TENM2: variants seen among roughly 807,000 people sequenced by gnomAD.
The protein encoded by TENM2 is teneurin-2.
TENM2 carries 52 observed loss-of-function variants against 245.2 expected under a neutral mutation model. The observed-to-expected ratio is 0.21, with a 90% CI of 0.17 to 0.27. The LOEUF (loss-of-function observed/expected upper bound fraction) is 0.27. Among genes scored for constraint, TENM2 ranks in the 10% least tolerant of loss-of-function variants. The pLI, the probability that TENM2 is intolerant of heterozygous loss-of-function variation, is 1.00. For missense variants in TENM2, 3,046 were observed against 3,666.8 expected (o/e 0.83, Z 4.37); for synonymous variants, 1,363 against 1,438.9 (o/e 0.95, Z 1.19).
intron 2 of TENM2, among the ~76,000 whole-genome samples, chr5:167,440,889 T>C (rs952561387): frequency 2.7e-5 from 4 of 150,226 alleles, no homozygotes; most frequent in Non-Finnish European, 5.9e-5. Context: ...AGCGCAGCAC[T>C]GTTTGGTTGT....
At chr5:167,285,935 T>C (rs1401005419) in intron 1 of TENM2, among the ~76,000 whole-genome samples, 2 of 152,260 alleles carry the variant, frequency 1.3e-5, no homozygotes, top group Non-Finnish European at 2.9e-5. Flanking sequence ...TCTTGTTCCA[T>C]GTCCTTGGGA....
chr5:167,248,326 G>T, the TENM2 span, among the ~76,000 whole-genome samples: 1 of 152,132 alleles, frequency 6.6e-6, no homozygotes, highest in Non-Finnish European at 1.5e-5. Flanking sequence ...CGTCCAAAAT[G>T]TGAGTGTGCG....
chr5:167,314,615 G>A (rs927240680), intron 1 of TENM2, among the ~76,000 whole-genome samples: 1 of 152,016 alleles, frequency 6.6e-6, no homozygotes, highest in Non-Finnish European at 1.5e-5. Context: ...TAAAGATATC[G>A]TGACAAATTT....
chr5:167,762,692 A>G (rs965743908), intron 2 of TENM2, among the ~76,000 whole-genome samples: 1 of 152,176 alleles, frequency 6.6e-6, no homozygotes, highest in Non-Finnish European at 1.5e-5. Context: ...AACTTACTCA[A>G]TCTATTATAA....
the TENM2 span, among the ~76,000 whole-genome samples, chr5:167,274,610 A>T: frequency 1.3e-5 from 2 of 150,884 alleles, no homozygotes; most frequent in Admixed American, 6.6e-5. Context: ...AAACTAGCCA[A>T]CTGCCTTCCA....
chr5:167,184,226 G>A, the TENM2 span, among the ~76,000 whole-genome samples: 4 of 152,172 alleles, frequency 2.6e-5, no homozygotes, highest in African/African-American at 9.7e-5. Context: ...AGCATGAGGT[G>A]AGGAATTAAA....
chr5:167,131,968 G>A, the TENM2 span, among the ~76,000 whole-genome samples: 9 of 151,946 alleles, frequency 5.9e-5, no homozygotes, highest in South Asian at 4.2e-4. Flanking sequence ...GATTACAGGC[G>A]TGTGCCACCA....
At chr5:167,761,236 T>C (rs1340935190) in intron 2 of TENM2, among the ~76,000 whole-genome samples, 2 of 152,212 alleles carry the variant, frequency 1.3e-5, no homozygotes, top group Non-Finnish European at 2.9e-5. Flanking sequence ...TTGTTTTTTG[T>C]TTTGAGTTTC....
intron 6 of TENM2, among the ~76,000 whole-genome samples, chr5:168,055,263 A>G (rs554541964): frequency 2.0e-5 from 3 of 152,356 alleles, no homozygotes; most frequent in South Asian, 4.1e-4. Flanking sequence ...ACCTACTGTT[A>G]TAGTCAATGC....
At chr5:167,012,268 T>A in the TENM2 span, among the ~76,000 whole-genome samples, 4 of 152,218 alleles carry the variant, frequency 2.6e-5, no homozygotes, top group African/African-American at 9.6e-5. Context: ...CCTTCCCCTG[T>A]CGTTTTAAGA....
chr5:168,257,615 A>G (rs1402446911), intron 27 of TENM2, among the ~76,000 whole-genome samples: 1 of 131,016 alleles, frequency 7.6e-6, no homozygotes, highest in East Asian at 2.3e-4. Flanking sequence ...GCAGCTCCTG[A>G]TTTTTTTTTT....
intron 2 of TENM2, among the ~76,000 whole-genome samples, chr5:167,589,661 A>AGATT (rs1053326000): frequency 6.6e-6 from 1 of 151,980 alleles, no homozygotes; most frequent in Non-Finnish European, 1.5e-5. Context: ...ATCCCATCCA[A>AGATT]GTTTGTTTGT....
At chr5:167,667,673 G>A (rs958959566) in intron 2 of TENM2, among the ~76,000 whole-genome samples, 1 of 152,196 alleles carries the variant, frequency 6.6e-6, no homozygotes, top group Admixed American at 6.5e-5. Context: ...TCTGCCATGG[G>A]CAGTGGAGAG....
exon 25 of TENM2, chr5:168,227,963 G>A: frequency 6.2e-7 from 1 of 1,613,734 alleles, no homozygotes; most frequent in Non-Finnish European, 8.5e-7. Context: ...TAATGGGATG[G>A]GTATCAGCTT....
chr5:167,903,537 G>A (rs900873792), intron 3 of TENM2, among the ~76,000 whole-genome samples: 1 of 147,674 alleles, frequency 6.8e-6, no homozygotes, highest in Non-Finnish European at 1.5e-5. Context: ...TGGGGTGGGG[G>A]TGGAGGGTGG....
chr5:168,092,179 G>A (rs1363981512), intron 8 of TENM2, among the ~76,000 whole-genome samples: 2 of 152,144 alleles, frequency 1.3e-5, no homozygotes, highest in Non-Finnish European at 2.9e-5. Context: ...TTCATCAGTG[G>A]CCACAACTTC....
At chr5:167,453,152 A>G (rs915277675) in intron 2 of TENM2, among the ~76,000 whole-genome samples, 5 of 151,568 alleles carry the variant, frequency 3.3e-5, no homozygotes, top group African/African-American at 7.3e-5. Context: ...AATATATTGT[A>G]ACTGCCTTTG....
chr5:167,975,356 G>C (rs1319748680), intron 4 of TENM2, among the ~76,000 whole-genome samples: 1 of 152,180 alleles, frequency 6.6e-6, no homozygotes, highest in African/African-American at 2.4e-5. Flanking sequence ...GACTTGTTTT[G>C]TGATAGGGAT....
Position 168,124,837 on chromosome 5 carries a change from T to C in TENM2, c.2009-13T>C, listed in dbSNP as rs1795724783. On this transcript the variant is annotated splice_polypyrimidine_tract_variant and intron_variant, in intron 10 of 28. Coordinates refer to ENST00000518659, the Ensembl canonical transcript of TENM2. ...TACTTTTATTCTTTGGTTTTTGTTTTTGTTTTTTTCAGTTGATTGCTTGGA... is the reference window on the plus strand; with the variant it reads ...TACTTTTATTCTTTGGTTTTTGTTTCTGTTTTTTTCAGTTGATTGCTTGGA... 1 of 1,598,590 alleles carries C rather than the reference T, an allele frequency of 6.3e-7. No individual in the cohort carries two copies. Among genetic ancestry groups the C allele is most frequent in the African/African-American group, 1.3e-5 (1 of 74,648 alleles).
Sources: allele counts gnomAD v4.1 joint callset (sites outside exome capture counted in the v4.1 genomes callset), GRCh38; gene constraint gnomAD v4.1.1; transcripts MANE v1.5; gene names NCBI Gene and HGNC (gene_info 2026-07-23, HGNC 2026-07-21).